The following DENND1A variants were observed in gnomAD, a reference collection of about 807,000 sequenced individuals.
DENND1A encodes DENN domain containing 1A, also known as DENN domain-containing protein 1A.
In DENND1A, 51 loss-of-function variants were observed where a neutral mutation model predicts 113.7. The ratio of observed to expected loss-of-function variants is 0.45; its 90% CI spans 0.36 to 0.57. The LOEUF (loss-of-function observed/expected upper bound fraction) is 0.57, where lower values mean the gene tolerates loss of function less well. Ranked by LOEUF, DENND1A falls within the 20% of genes least tolerant of loss-of-function variation. The pLI, the probability that DENND1A is intolerant of heterozygous loss-of-function variation, is 0.00. For synonymous variants in DENND1A, 565 were observed against 570.8 expected, an observed-to-expected ratio of 0.99 and a Z score of 0.14; for missense variants, 1,258 against 1,395.9, an observed-to-expected ratio of 0.90 and a Z score of 1.57.
chr9:123,645,169 T>C (rs1163294420), intron 9 of DENND1A, among the ~76,000 whole-genome samples: 1 of 152,198 alleles, frequency 6.6e-6, no homozygotes, highest in Non-Finnish European at 1.5e-5. Context: ...GAAATGCATA[T>C]TACCTGCCTC....
intron 5 of DENND1A, among the ~76,000 whole-genome samples, chr9:123,722,586 T>G (rs2067418428): frequency 6.6e-6 from 1 of 152,216 alleles, no homozygotes; most frequent in Non-Finnish European, 1.5e-5. Context: ...GTCTAGGGAC[T>G]TGGTGACCTG....
intron 2 of DENND1A, among the ~76,000 whole-genome samples, chr9:123,796,730 G>C (rs754881937): frequency 2.7e-5 from 4 of 148,368 alleles, no homozygotes; most frequent in African/African-American, 7.6e-5. Context: ...GGGCTCATTT[G>C]TACATTGGTA....
intron 13 of DENND1A, among the ~76,000 whole-genome samples, chr9:123,475,659 C>T (rs1400785901): frequency 6.6e-6 from 1 of 152,258 alleles, no homozygotes; most frequent in Non-Finnish European, 1.5e-5. Context: ...GGGGTTCCCG[C>T]TGCTGCACAC....
At chr9:123,486,322 G>A (rs1049009105) in intron 13 of DENND1A, among the ~76,000 whole-genome samples, 9 of 152,018 alleles carry the variant, frequency 5.9e-5, no homozygotes, top group Admixed American at 1.3e-4. Context: ...ACAGAGACTC[G>A]CCCCCGGAAC....
intron 17 of DENND1A, among the ~76,000 whole-genome samples, chr9:123,451,435 C>G (rs2047710563): frequency 6.6e-6 from 1 of 152,198 alleles, no homozygotes; most frequent in Non-Finnish European, 1.5e-5. Flanking sequence ...AAAGATGAAG[C>G]ACCGGGAACA....
intron 3 of DENND1A, among the ~76,000 whole-genome samples, chr9:123,784,435 G>C (rs906066001): frequency 1.3e-5 from 2 of 152,182 alleles, no homozygotes; most frequent in Non-Finnish European, 2.9e-5. Flanking sequence ...GAATAGGACA[G>C]ACTAGAGAGC....
chr9:123,664,676 T>C (rs2063409099), intron 8 of DENND1A, among the ~76,000 whole-genome samples: 1 of 152,186 alleles, frequency 6.6e-6, no homozygotes, highest in African/African-American at 2.4e-5. Context: ...CTAATTTCAA[T>C]TTGTATCATC....
At chr9:123,614,047 T>C (rs914319662) in intron 10 of DENND1A, among the ~76,000 whole-genome samples, 2 of 152,226 alleles carry the variant, frequency 1.3e-5, no homozygotes, top group South Asian at 2.1e-4. Flanking sequence ...GAACTTTTAT[T>C]GAGCTACTAT....
chr9:123,639,397 C>T (rs922725316), intron 9 of DENND1A, among the ~76,000 whole-genome samples: 2 of 149,730 alleles, frequency 1.3e-5, no homozygotes, highest in African/African-American at 4.9e-5. Context: ...AAAGATAACC[C>T]CACTATACTC....
At chr9:123,622,009 G>C (rs1219599302) in intron 10 of DENND1A, among the ~76,000 whole-genome samples, 1 of 152,198 alleles carries the variant, frequency 6.6e-6, no homozygotes, top group East Asian at 1.9e-4. Context: ...ATCTCTCAGA[G>C]AGATCTGAGC....
chr9:123,610,694 T>G (rs1347457485), intron 10 of DENND1A, among the ~76,000 whole-genome samples: 1 of 152,122 alleles, frequency 6.6e-6, no homozygotes, highest in African/African-American at 2.4e-5. Flanking sequence ...CAGACTGGGG[T>G]GAACAGGTAC....
At chr9:123,791,856 T>C (rs1189198976) in intron 3 of DENND1A, among the ~76,000 whole-genome samples, 2 of 152,214 alleles carry the variant, frequency 1.3e-5, no homozygotes, top group Non-Finnish European at 2.9e-5. Context: ...CCAAATTGCA[T>C]ATTTGAACTA....
chr9:123,862,345 G>C (rs1434850467), intron 2 of DENND1A, among the ~76,000 whole-genome samples: 1 of 152,158 alleles, frequency 6.6e-6, no homozygotes, highest in East Asian at 1.9e-4. Flanking sequence ...TGTCTAACAA[G>C]ATATGAGAGC....
At chr9:123,737,620 A>T (rs1215962527) in intron 5 of DENND1A, among the ~76,000 whole-genome samples, 1 of 152,078 alleles carries the variant, frequency 6.6e-6, no homozygotes, top group Non-Finnish European at 1.5e-5. Flanking sequence ...CGATCTTTAA[A>T]AGAGTATTAT....
intron 5 of DENND1A, among the ~76,000 whole-genome samples, chr9:123,735,603 A>C (rs142962344): frequency 2.0e-5 from 3 of 152,232 alleles, no homozygotes; most frequent in African/African-American, 7.2e-5. Context: ...TCCTCTCATG[A>C]GTAACAAAAC....
chr9:123,418,740 C>T (rs1370430318), intron 19 of DENND1A, among the ~76,000 whole-genome samples: 1 of 152,248 alleles, frequency 6.6e-6, no homozygotes, highest in Non-Finnish European at 1.5e-5. Flanking sequence ...CAAGGCTCCT[C>T]TGCAGGGAAC....
Position 123,903,482 on chromosome 9 carries a change from T to C in DENND1A, c.18-24461A>G, listed in dbSNP as rs1588162485. Among the ~76,000 whole-genome samples, 4 of 150,200 alleles carry C rather than the reference T, an allele frequency of 2.7e-5. No homozygotes were observed. The South Asian group carries it at 8.4e-4, about 32-fold the overall frequency. On this transcript the variant is annotated intron_variant, in intron 1 of 23. Transcript: ENST00000394215. The stretch of plus-strand genomic sequence containing the variant: ...GTACCGGGTTGATCTCACTAGGGAG[T>C]GCCAGACAGTGGGCGCAGGTCAGTG...
At chr9:123,778,361 T>A (rs1470615067) in intron 3 of DENND1A, among the ~76,000 whole-genome samples, 1 of 152,188 alleles carries the variant, frequency 6.6e-6, no homozygotes, top group Non-Finnish European at 1.5e-5. Flanking sequence ...TCTTTTACCA[T>A]CTGACTGTAC....
intron 12 of DENND1A, among the ~76,000 whole-genome samples, chr9:123,559,015 T>G (rs2057585627): frequency 6.6e-6 from 1 of 152,106 alleles, no homozygotes; most frequent in Admixed American, 6.5e-5. Flanking sequence ...ACAGAGCTTG[T>G]CAAGAAGGTC....
Sources: gnomAD v4.1 joint callset for allele counts (sites outside exome capture counted in the v4.1 genomes callset) on GRCh38, gnomAD v4.1.1 for gene constraint, MANE v1.5 for transcripts, NCBI Gene and HGNC (gene_info 2026-07-23, HGNC 2026-07-21) for gene names.